Variants in PARD6B observed in about 807,000 individuals in gnomAD.
PARD6B encodes the protein par-6 family cell polarity regulator beta, also known as partitioning defective 6 homolog beta.
Under a neutral mutation model 10.5 loss-of-function variants are expected in PARD6B, and 4 were observed. That is an observed-to-expected ratio of 0.38 (90% confidence interval 0.19 to 0.87). PARD6B has a LOEUF of 0.87. Ranked by LOEUF, PARD6B falls within the 40% of genes least tolerant of loss-of-function variation. PARD6B has a pLI of 0.41. For missense variants in PARD6B, 396 were observed against 470.6 expected (o/e 0.84, Z 1.47); for synonymous variants, 169 against 170.4 (o/e 0.99, Z 0.07).
chr20:50,753,549 A>G lies in PARD6B; in HGVS notation c.*3061A>G. Reference sequence around the variant, plus strand: ...TACTTTTGTGAGCTATGAATTTTCTAATTAAATTTTACATGCTATAACATG... The same window carrying G: ...TACTTTTGTGAGCTATGAATTTTCTGATTAAATTTTACATGCTATAACATG... On this transcript the variant is annotated 3_prime_UTR_variant, in exon 3 of 3. Coordinates refer to ENST00000371610, the MANE Select transcript of PARD6B (RefSeq NM_032521.3). 1 of 902,040 alleles carries G rather than the reference A, an allele frequency of 1.1e-6. No individual in the cohort carries two copies. Among genetic ancestry groups the G allele is most frequent in the Non-Finnish European group, 1.3e-6 (1 of 753,644 alleles). The allele number at this position is 902,040 out of a possible 1,614,324, so 55.9% of individuals were successfully genotyped here. A position where few individuals can be genotyped will look rare whatever the true frequency, so the allele number is the denominator to read the frequency against.
In PARD6B at chr20:50,753,717, TAAAG is replaced by T; in HGVS notation, c.*3231_*3234del. On this transcript the variant is annotated 3_prime_UTR_variant, in exon 3 of 3. Coordinates refer to ENST00000371610, the MANE Select transcript of PARD6B (RefSeq NM_032521.3). The stretch of plus-strand genomic sequence containing the variant: ...TTAGTTGTATATTATTTTTTACAAA[TAAAG>T]ATAGACTTGTATAAAGGCTACTTTC... The T allele has an allele frequency of 1.5e-6, 1 of 687,964 alleles. No individual in the cohort carries two copies. The highest frequency in any genetic ancestry group is 1.8e-6 in the Non-Finnish European group (1 of 558,220). 42.6% of individuals were successfully genotyped at this position (687,964 alleles called of 1,614,324 possible). A position where few individuals can be genotyped will look rare whatever the true frequency, so the allele number is the denominator to read the frequency against.
intron 2 of PARD6B, among the ~76,000 whole-genome samples, chr20:50,742,164 T>C (rs932427555): frequency 1.3e-5 from 2 of 152,070 alleles, no homozygotes; most frequent in Admixed American, 6.6e-5. Context: ...GTGCCTCAGC[T>C]TCCAGAGTGG....
chr20:50,731,783 C>T lies in PARD6B; in HGVS notation c.-4C>T. On this transcript the variant is annotated 5_prime_UTR_variant, in exon 1 of 3. Transcript: ENST00000371610. Reference sequence around the variant, plus strand: ...GGAGGCCGTCGCGGGGCTCGGCGTTCAGCATGAACCGCAGCCACCGGCACG... The same window carrying T: ...GGAGGCCGTCGCGGGGCTCGGCGTTTAGCATGAACCGCAGCCACCGGCACG... The T allele has an allele frequency of 6.9e-7, 1 of 1,457,320 alleles. No individual in the cohort carries two copies. Among genetic ancestry groups the T allele is most frequent in the African/African-American group, 1.5e-5 (1 of 67,968 alleles). 90.3% of individuals were successfully genotyped at this position (1,457,320 alleles called of 1,614,324 possible). A position where few individuals can be genotyped will look rare whatever the true frequency, so the allele number is the denominator to read the frequency against.
At position 50,751,970 on chromosome 20, in the gene PARD6B, G is replaced by A. The variant is rs934679501; in HGVS notation, c.*1482G>A. ...CCGCCCATCTCCTCCCAAAGTGCTG[G>A]ATTGCAGGCATGAGCGCCTAGCCAG... On this transcript the variant is annotated 3_prime_UTR_variant, in exon 3 of 3. Coordinates refer to ENST00000371610, the MANE Select transcript of PARD6B (RefSeq NM_032521.3). 1 of 984,984 alleles carries A rather than the reference G, an allele frequency of 1.0e-6. No homozygotes were observed. Among genetic ancestry groups the A allele is most frequent in the African/African-American group, 1.7e-5 (1 of 57,234 alleles). The allele number at this position is 984,984 out of a possible 1,614,324, so 61.0% of individuals were successfully genotyped here.
rs1199096887 is a variant in PARD6B, at chr20:50,744,120, T to TTC, written c.290-5538_290-5537insCT. Among the ~76,000 whole-genome samples, 321 of 142,324 alleles carry TTC rather than the reference T, an allele frequency of 2.3e-3. 3 individuals are homozygous for TTC. The highest frequency in any genetic ancestry group is 3.6e-3 in the Non-Finnish European group (232 of 65,184). The allele number at this position is 142,324 out of a possible 152,430, so 93.4% of individuals were successfully genotyped here. On this transcript the variant is annotated intron_variant, in intron 2 of 2. Coordinates refer to ENST00000371610, the MANE Select transcript of PARD6B (RefSeq NM_032521.3). ...GAAGTAGCTTCTTTTTTTTTTTTTT[T>TTC]TTTTTTTTTCTGAGAAGCAGTCTCG...
At chr20:50,744,176 G>A (rs946116717) in intron 2 of PARD6B, among the ~76,000 whole-genome samples, 11 of 144,662 alleles carry the variant, frequency 7.6e-5, no homozygotes, top group South Asian at 2.2e-4. Context: ...GTGCAATGGC[G>A]TGATCTCGTC....
chr20:50,746,815 T>G (rs2087569938), intron 2 of PARD6B, among the ~76,000 whole-genome samples: 1 of 152,232 alleles, frequency 6.6e-6, no homozygotes, highest in Admixed American at 6.5e-5. Context: ...GTTTATATGG[T>G]CTGGAATTTC....
In PARD6B at chr20:50,739,184, C is replaced by CG. The variant is rs550844656; in HGVS notation, c.289+1106dup. On this transcript the variant is annotated intron_variant, in intron 2 of 2. Coordinates refer to ENST00000371610, the MANE Select transcript of PARD6B (RefSeq NM_032521.3). ...GAGAGCGGCCAGGCTTGGTGGCTCA[C>CG]GTGTGTAATCCCAGCACTTTGGGAG... Among the ~76,000 whole-genome samples, 11 of 151,984 alleles carry CG rather than the reference C, an allele frequency of 7.2e-5. No individual in the cohort carries two copies. The South Asian group carries it at 2.3e-3, about 32-fold the overall frequency.
chr20:50,732,239 C>T (rs1207108324), intron 1 of PARD6B, among the ~76,000 whole-genome samples: 2 of 152,176 alleles, frequency 1.3e-5, no homozygotes, highest in Non-Finnish European at 2.9e-5. Context: ...CTGGACCACC[C>T]CGTTGTTCCC....
At chr20:50,731,959 C>G in intron 1 of PARD6B, 107 bp downstream of exon 1, 2 of 849,656 alleles carry the variant, frequency 2.4e-6, no homozygotes, top group Non-Finnish European at 3.0e-6. Flanking sequence ...TGAGCTGCCC[C>G]GGGGTCTGGA....
intron 1 of PARD6B, among the ~76,000 whole-genome samples, chr20:50,735,252 T>C (rs1164982777): frequency 6.6e-6 from 1 of 152,224 alleles, no homozygotes; most frequent in East Asian, 1.9e-4. Flanking sequence ...AATGTAAATA[T>C]ACCTATAGTT....
At chr20:50,732,950 A>G (rs1397157365) in intron 1 of PARD6B, among the ~76,000 whole-genome samples, 2 of 152,276 alleles carry the variant, frequency 1.3e-5, no homozygotes, top group East Asian at 3.9e-4. Flanking sequence ...AAGACTACTA[A>G]GGAGTATGTA....
intron 2 of PARD6B, among the ~76,000 whole-genome samples, chr20:50,743,338 G>T (rs918151070): frequency 6.6e-6 from 1 of 152,108 alleles, no homozygotes; most frequent in African/African-American, 2.4e-5. Context: ...TTACCTCTTC[G>T]ATTTATTCTC....
rs1309595417 is a variant in PARD6B at position 50,731,766 on chromosome 20, T to C, written c.-21T>C. 4.1e-6 allele frequency: 6 copies of C among 1,446,158 alleles called. No individual in the cohort carries two copies. The South Asian group carries it at 8.1e-5, about 20-fold the overall frequency. 89.6% of individuals were successfully genotyped at this position (1,446,158 alleles called of 1,614,324 possible). ...GGGGCCGCCCGGCCGGAGGAGGCCG[T>C]CGCGGGGCTCGGCGTTCAGCATGAA... On this transcript the variant is annotated 5_prime_UTR_variant, in exon 1 of 3. Transcript: ENST00000371610.
intron 2 of PARD6B, among the ~76,000 whole-genome samples, chr20:50,742,138 C>T (rs774163060): frequency 6.6e-6 from 1 of 152,030 alleles, no homozygotes; most frequent in Non-Finnish European, 1.5e-5. Flanking sequence ...CTGCAACCTC[C>T]GCCTCCCAGG....
In PARD6B at chr20:50,750,025, A is replaced by G; in HGVS notation, c.656A>G (p.Asn219Ser). The change falls in exon 3 of 3, where the codon AAT (asparagine) becomes AGT (serine). Residue 219 changes from asparagine (N) to serine (S), a missense_variant. By Grantham distance (46) the Asn-to-Ser change is conservative (BLOSUM62 1). Coordinates refer to ENST00000371610, the MANE Select transcript of PARD6B (RefSeq NM_032521.3). ...LAVNDEVLEV[N>S]GIEVSGKSLD... Reference sequence around the variant, plus strand: ...GTTAATGATGAAGTTTTAGAAGTTAATGGCATAGAAGTTTCAGGGAAGAGC... The same window carrying G: ...GTTAATGATGAAGTTTTAGAAGTTAGTGGCATAGAAGTTTCAGGGAAGAGC... The G allele has an allele frequency of 6.2e-7, 1 of 1,614,236 alleles. No homozygotes were observed. The highest frequency in any genetic ancestry group is 2.2e-5 in the East Asian group (1 of 44,886).
rs11467364 is a variant in PARD6B, at chr20:50,751,350, C to CTTTTTT, written c.*880_*885dup. 12 of 709,058 alleles carry CTTTTTT rather than the reference C, an allele frequency of 1.7e-5. No individual in the cohort carries two copies. In the East Asian group the frequency reaches 6.3e-4, roughly 37 times the overall value. The allele number at this position is 709,058 out of a possible 1,614,324, so 43.9% of individuals were successfully genotyped here. On this transcript the variant is annotated 3_prime_UTR_variant, in exon 3 of 3. Coordinates refer to ENST00000371610, the MANE Select transcript of PARD6B (RefSeq NM_032521.3). ...ATTTCCAGTTTCTTTTCTTTTCTTT[C>CTTTTTT]TTTTTTTTTTTTTTTTTTTTTTTGA...
Position 50,750,544 on chromosome 20 carries a change from C to A in PARD6B, c.*56C>A. 1 of 1,552,090 alleles carries A rather than the reference C, an allele frequency of 6.4e-7. No homozygotes were observed. The highest frequency in any genetic ancestry group is 1.2e-5 in the South Asian group (1 of 81,206). The stretch of plus-strand genomic sequence containing the variant: ...ATGCCATGAGGACTTGTACATTTGG[C>A]TAGTTTAAAAGCATATATACCTCTG... On this transcript the variant is annotated 3_prime_UTR_variant, in exon 3 of 3. Transcript: ENST00000371610.
intron 2 of PARD6B, among the ~76,000 whole-genome samples, chr20:50,742,288 C>T (rs868708552): frequency 2.0e-5 from 3 of 152,314 alleles, no homozygotes; most frequent in African/African-American, 7.2e-5. Flanking sequence ...AAGTGATCCG[C>T]CCACCTCGGC....
Sources: gnomAD v4.1 joint callset for allele counts (sites outside exome capture counted in the v4.1 genomes callset) on GRCh38, gnomAD v4.1.1 for gene constraint, MANE v1.5 for transcripts, NCBI Gene and HGNC (gene_info 2026-07-23, HGNC 2026-07-21) for gene names.